PCDH11Y: variants seen among roughly 807,000 people sequenced by gnomAD.
PCDH11Y encodes protocadherin-11 Y-linked.
For missense variants in PCDH11Y, 12 were observed against 224.8 expected (o/e 0.05, Z 6.05); for synonymous variants, 9 against 83.6 (o/e 0.11, Z 4.87).
chrY:5,653,789 G>A, intron 4 of PCDH11Y, among the ~76,000 whole-genome samples: 5 of 31,845 alleles, frequency 1.6e-4, no homozygotes, highest in Admixed American at 5.8e-4. Context: ...CTCGAGAAGA[G>A]CAACCCCAAG....
At chrY:5,296,694 C>T in intron 2 of PCDH11Y, among the ~76,000 whole-genome samples, 1 of 31,769 alleles carries the variant, frequency 3.1e-5, no homozygotes, top group Admixed American at 2.9e-4. Flanking sequence ...GCTTATGTTC[C>T]CTTAAAGCCC....
intron 2 of PCDH11Y, among the ~76,000 whole-genome samples, chrY:5,479,051 A>T: frequency 6.2e-5 from 2 of 32,145 alleles, no homozygotes; most frequent in Non-Finnish European, 1.5e-4. Flanking sequence ...TAATGCTGTT[A>T]TGTGTGAATT....
chrY:5,037,046 T>C, intron 3 of PCDH11Y: 1 of 84,098 alleles, frequency 1.2e-5, no homozygotes, highest in Non-Finnish European at 2.6e-5. Context: ...TACTTGGTAA[T>C]GACTATGTGA....
intron 2 of PCDH11Y, among the ~76,000 whole-genome samples, chrY:5,228,145 T>C: frequency 4.1e-5 from 1 of 24,254 alleles, no homozygotes; most frequent in Admixed American, 4.0e-4. Context: ...GGATTTCTTC[T>C]TGGTTCAATC....
chrY:5,252,048 T>C, intron 2 of PCDH11Y, among the ~76,000 whole-genome samples: 1 of 32,337 alleles, frequency 3.1e-5, no homozygotes, highest in East Asian at 8.2e-4. Flanking sequence ...CTAGGGTCCA[T>C]GTTTATTATG....
intron 3 of PCDH11Y, among the ~76,000 whole-genome samples, chrY:5,508,324 A>G: frequency 3.0e-5 from 1 of 33,066 alleles, no homozygotes; most frequent in Non-Finnish European, 7.5e-5. Context: ...TTTATTGAAT[A>G]TTGAAGATGC....
At chrY:5,692,565 C>A in intron 4 of PCDH11Y, among the ~76,000 whole-genome samples, 1 of 32,847 alleles carries the variant, frequency 3.0e-5, no homozygotes, top group South Asian at 6.8e-4. Flanking sequence ...AAATAAAGAG[C>A]TATTATTCAG....
chrY:5,612,145 C>T (rs1602951319), intron 4 of PCDH11Y, among the ~76,000 whole-genome samples: 4 of 30,243 alleles, frequency 1.3e-4, no homozygotes, highest in Non-Finnish European at 2.4e-4. Flanking sequence ...GCGTCGCTCA[C>T]GCTGGGAGCT....
At chrY:5,243,821 A>G (rs2052991678) in intron 2 of PCDH11Y, among the ~76,000 whole-genome samples, 1 of 31,473 alleles carries the variant, frequency 3.2e-5, no homozygotes, top group Non-Finnish European at 7.5e-5. Context: ...GAATCCCAGC[A>G]GGAGGAGACC....
At chrY:5,143,377 G>A in intron 2 of PCDH11Y, among the ~76,000 whole-genome samples, 1 of 33,021 alleles carries the variant, frequency 3.0e-5, no homozygotes, top group East Asian at 8.1e-4. Context: ...GTTGATTACC[G>A]ACTCCTTGTA....
At chrY:5,353,280 A>G in intron 2 of PCDH11Y, among the ~76,000 whole-genome samples, 2 of 32,603 alleles carry the variant, frequency 6.1e-5, no homozygotes, top group African/African-American at 2.4e-4. Flanking sequence ...CTGGGATTAC[A>G]GGTGTGAGCC....
At chrY:5,111,658 C>T in intron 2 of PCDH11Y, among the ~76,000 whole-genome samples, 1 of 33,804 alleles carries the variant, frequency 3.0e-5, no homozygotes, top group Non-Finnish European at 7.4e-5. Flanking sequence ...ATAAAGTTGT[C>T]ATTATCTGAA....
chrY:5,730,111 T>C (rs1236491556), intron 4 of PCDH11Y, among the ~76,000 whole-genome samples: 1 of 33,234 alleles, frequency 3.0e-5, no homozygotes, highest in Non-Finnish European at 7.5e-5. Context: ...TGGCTTATTT[T>C]GTGGTTCCAT....
At chrY:5,347,743 T>C (rs2053153773) in intron 2 of PCDH11Y, among the ~76,000 whole-genome samples, 1 of 33,423 alleles carries the variant, frequency 3.0e-5, no homozygotes, top group Non-Finnish European at 7.3e-5. Flanking sequence ...AGATAAATAC[T>C]ACTTTCCTTC....
intron 2 of PCDH11Y, among the ~76,000 whole-genome samples, chrY:5,427,321 A>G: frequency 6.0e-5 from 2 of 33,416 alleles, no homozygotes; most frequent in Non-Finnish European, 7.4e-5. Flanking sequence ...CTAATTTGAG[A>G]AGAGCAAAGC....
At chrY:5,412,323 A>G (rs2124678532) in intron 2 of PCDH11Y, among the ~76,000 whole-genome samples, 3 of 32,799 alleles carry the variant, frequency 9.1e-5, no homozygotes, top group Non-Finnish European at 2.2e-4. Context: ...CAGATCAAGG[A>G]GCTTTTTGAC....
chrY:5,425,328 C>T (rs2053262188), intron 2 of PCDH11Y, among the ~76,000 whole-genome samples: 1 of 33,101 alleles, frequency 3.0e-5, no homozygotes, highest in Non-Finnish European at 7.5e-5. Context: ...TTGACCTCAA[C>T]TAAATTTCCA....
At chrY:5,443,372 CTTG>C (rs2053284305) in intron 2 of PCDH11Y, among the ~76,000 whole-genome samples, 1 of 33,127 alleles carries the variant, frequency 3.0e-5, no homozygotes. Context: ...CTAACATTTA[CTTG>C]TTGTAGAAAC....
intron 2 of PCDH11Y, among the ~76,000 whole-genome samples, chrY:5,231,382 C>T: frequency 6.0e-5 from 2 of 33,511 alleles, no homozygotes; most frequent in Non-Finnish European, 1.5e-4. Flanking sequence ...TGCTGTGGTT[C>T]TTGCAGACGC....
Sources: allele counts gnomAD v4.1 joint callset (sites outside exome capture counted in the v4.1 genomes callset), GRCh38; gene constraint gnomAD v4.1.1; transcripts MANE v1.5; gene names NCBI Gene and HGNC (gene_info 2026-07-23, HGNC 2026-07-21).